MAGI2: variants seen among roughly 807,000 people sequenced by gnomAD.
MAGI2 encodes the protein membrane associated guanylate kinase, WW and PDZ domain containing 2.
MAGI2 carries 35 observed loss-of-function variants against 133.3 expected under a neutral mutation model. The observed-to-expected ratio is 0.26, with a 90% CI of 0.20 to 0.35. MAGI2 has a LOEUF of 0.35. Among genes scored for constraint, MAGI2 ranks in the 10% least tolerant of loss-of-function variants. The probability of loss-of-function intolerance (pLI) is 1.00; values close to 1 mark genes in which losing one functional copy is unlikely to be tolerated. For synonymous variants in MAGI2, 729 were observed against 710.6 expected (o/e 1.03, Z -0.41); for missense variants, 1,636 against 1,863.4 (o/e 0.88, Z 2.25).
intron 6 of MAGI2, among the ~76,000 whole-genome samples, chr7:78,398,454 C>A (rs532602588): frequency 1.3e-5 from 2 of 152,196 alleles, no homozygotes; most frequent in East Asian, 1.9e-4. Flanking sequence ...TCTTGGTGAC[C>A]AAGAAGGCCT....
chr7:79,040,552 G>T (rs191061927), intron 1 of MAGI2, among the ~76,000 whole-genome samples: 1 of 152,168 alleles, frequency 6.6e-6, no homozygotes, highest in Admixed American at 6.5e-5. Context: ...ATATAGTTTG[G>T]TTCTGTGTAC....
intron 1 of MAGI2, among the ~76,000 whole-genome samples, chr7:79,420,708 C>T (rs2129179333): frequency 6.6e-6 from 1 of 152,054 alleles, no homozygotes; most frequent in East Asian, 1.9e-4. Flanking sequence ...AAGATTACAT[C>T]ATCATGGTGA....
At chr7:78,840,397 T>G (rs1279839721) in intron 2 of MAGI2, among the ~76,000 whole-genome samples, 1 of 152,046 alleles carries the variant, frequency 6.6e-6, no homozygotes, top group Non-Finnish European at 1.5e-5. Context: ...CTGGAATGCT[T>G]GTTAAAACAC....
chr7:78,263,816 C>T (rs1255440430), intron 9 of MAGI2, among the ~76,000 whole-genome samples: 5 of 152,114 alleles, frequency 3.3e-5, no homozygotes, highest in Admixed American at 1.3e-4. Flanking sequence ...GCATGACATA[C>T]GAGGCTCTCA....
intron 1 of MAGI2, among the ~76,000 whole-genome samples, chr7:79,060,718 C>T (rs980238654): frequency 6.6e-6 from 1 of 152,052 alleles, no homozygotes. Flanking sequence ...TGTGGCCTGA[C>T]TTACCCCATG....
intron 2 of MAGI2, among the ~76,000 whole-genome samples, chr7:78,909,473 G>A (rs1798235520): frequency 6.6e-6 from 1 of 150,794 alleles, no homozygotes; most frequent in African/African-American, 2.4e-5. Flanking sequence ...CGTGGTGGCA[G>A]GCGCCTGTAC....
At chr7:79,405,963 A>ACTCTCTTTTTTCTT (rs1845778560) in intron 1 of MAGI2, among the ~76,000 whole-genome samples, 1 of 151,300 alleles carries the variant, frequency 6.6e-6, no homozygotes, top group East Asian at 1.9e-4. Context: ...GCAGTTTATG[A>ACTCTCTTTTTTCTT]CAAAATAAGA....
At position 78,910,266 on chromosome 7, in the gene MAGI2, T is replaced by C. The variant is rs184008559; in HGVS notation, c.418+96824A>G. ...AATCCTGGAACTTAAAGTAATTCTT[T>C]TTTTTTTTTTTTTTTAAAGGAAAAA... On this transcript the variant is annotated intron_variant, in intron 2 of 21. Coordinates refer to ENST00000354212, the MANE Select transcript of MAGI2 (RefSeq NM_012301.4). Among the ~76,000 whole-genome samples the C allele has an allele frequency of 8.2e-3, 1,159 of 140,980 alleles. 15 individuals are homozygous for C. The highest frequency in any genetic ancestry group is 0.024 in the Admixed American group (353 of 14,428). 92.5% of individuals were successfully genotyped at this position (140,980 alleles called of 152,430 possible). A position where few individuals can be genotyped will look rare whatever the true frequency, so the allele number is the denominator to read the frequency against.
chr7:78,955,740 T>TCTTA, intron 2 of MAGI2, among the ~76,000 whole-genome samples: 1 of 52,898 alleles, frequency 1.9e-5, no homozygotes, highest in East Asian at 4.8e-4. Context: ...TTTCTTTCTT[T>TCTTA]CTTTCTTTCT....
chr7:78,732,558 T>C (rs1821472088), intron 2 of MAGI2, among the ~76,000 whole-genome samples: 1 of 152,166 alleles, frequency 6.6e-6, no homozygotes, highest in African/African-American at 2.4e-5. Flanking sequence ...ATAGGAGTGA[T>C]GTATTTTGGA....
At chr7:78,752,463 C>T (rs1026291671) in intron 2 of MAGI2, among the ~76,000 whole-genome samples, 14 of 150,812 alleles carry the variant, frequency 9.3e-5, no homozygotes, top group Admixed American at 3.9e-4. Flanking sequence ...ATCAGCTGGG[C>T]ATGGTGGTGT....
At chr7:78,265,973 A>G (rs1793960683) in intron 9 of MAGI2, among the ~76,000 whole-genome samples, 1 of 152,174 alleles carries the variant, frequency 6.6e-6, no homozygotes, top group Admixed American at 6.5e-5. Flanking sequence ...ACTTTCCAAC[A>G]GTTTATTCTA....
chr7:79,098,546 A>G (rs548044677), intron 1 of MAGI2, among the ~76,000 whole-genome samples: 2 of 152,336 alleles, frequency 1.3e-5, no homozygotes, highest in South Asian at 2.1e-4. Flanking sequence ...TTTGGATAAC[A>G]TGAGAAGAAA....
chr7:79,038,289 C>G (rs1811303295), intron 1 of MAGI2, among the ~76,000 whole-genome samples: 1 of 152,168 alleles, frequency 6.6e-6, no homozygotes, highest in Non-Finnish European at 1.5e-5. Flanking sequence ...GATGGTTCAC[C>G]AGTTTCCTCC....
At chr7:78,340,210 A>T (rs528254872) in intron 9 of MAGI2, among the ~76,000 whole-genome samples, 1 of 152,330 alleles carries the variant, frequency 6.6e-6, no homozygotes, top group East Asian at 1.9e-4. Context: ...CAATGGGGAT[A>T]GAGTATATTC....
At chr7:78,096,152 A>G (rs1246173345) in intron 20 of MAGI2, among the ~76,000 whole-genome samples, 2 of 152,268 alleles carry the variant, frequency 1.3e-5, no homozygotes, top group African/African-American at 4.8e-5. Context: ...AGGATAACTC[A>G]CATTGTGAAG....
At chr7:78,783,303 CA>C (rs1413565786) in intron 2 of MAGI2, among the ~76,000 whole-genome samples, 2 of 151,930 alleles carry the variant, frequency 1.3e-5, no homozygotes, top group Non-Finnish European at 2.9e-5. Context: ...ACAAAACAAA[CA>C]ACTTTTAATG....
intron 1 of MAGI2, among the ~76,000 whole-genome samples, chr7:79,329,882 C>T (rs1275924578): frequency 1.3e-5 from 2 of 152,290 alleles, no homozygotes; most frequent in East Asian, 3.9e-4. Context: ...GGTCATCTTT[C>T]ACTTAATAGT....
intron 1 of MAGI2, among the ~76,000 whole-genome samples, chr7:79,281,271 G>A (rs1264030114): frequency 6.6e-6 from 1 of 152,168 alleles, no homozygotes; most frequent in Non-Finnish European, 1.5e-5. Context: ...TATTCATAAT[G>A]CAGAGTCAAT....
Sources: gnomAD v4.1 joint callset for allele counts (sites outside exome capture counted in the v4.1 genomes callset) on GRCh38, gnomAD v4.1.1 for gene constraint, MANE v1.5 for transcripts, NCBI Gene and HGNC (gene_info 2026-07-23, HGNC 2026-07-21) for gene names.